The following ABCA12 variants were observed in gnomAD, a reference collection of about 807,000 sequenced individuals.
ABCA12 encodes glucosylceramide transporter ABCA12.
A neutral mutation model predicts 293.5 loss-of-function variants in ABCA12; 156 were observed. The observed-to-expected ratio is 0.53, with a 90% CI of 0.47 to 0.61. The LOEUF (loss-of-function observed/expected upper bound fraction) is 0.61. Among genes scored for constraint, ABCA12 ranks in the 20% least tolerant of loss-of-function variants. The probability of loss-of-function intolerance (pLI) is 0.00; values close to 1 mark genes in which losing one functional copy is unlikely to be tolerated. For missense variants in ABCA12, 2,797 were observed against 3,090.2 expected (o/e 0.91, Z 2.25); for synonymous variants, 1,063 against 1,108.0 (o/e 0.96, Z 0.81).
At chr2:215,036,741 C>A (rs1403792322) in intron 8 of ABCA12, among the ~76,000 whole-genome samples, 1 of 151,970 alleles carries the variant, frequency 6.6e-6, no homozygotes, top group Non-Finnish European at 1.5e-5. Context: ...TTTCACCTAA[C>A]TAAAAACCCT....
At chr2:215,134,599 C>A (rs142741707) in intron 1 of ABCA12, among the ~76,000 whole-genome samples, 9,097 of 84,932 alleles carry the variant, frequency 0.11, 1,249 homozygotes, top group African/African-American at 0.36. Flanking sequence ...CTCTCTCTCT[C>A]TATATATATA....
intron 48 of ABCA12, 49 bp from the exon 49 acceptor site, chr2:214,945,153 T>C: frequency 6.8e-7 from 1 of 1,467,944 alleles, no homozygotes; most frequent in Non-Finnish European, 9.4e-7. Context: ...TAATTTTTGA[T>C]GAAGTTCTTT....
chr2:215,066,406 T>C (rs917020920), intron 2 of ABCA12, among the ~76,000 whole-genome samples: 2 of 150,930 alleles, frequency 1.3e-5, no homozygotes, highest in Non-Finnish European at 3.0e-5. Flanking sequence ...CTGAAAAAAA[T>C]GAGACACTCA....
chr2:215,005,394 CTT>C, intron 19 of ABCA12, among the ~76,000 whole-genome samples: 1 of 152,262 alleles, frequency 6.6e-6, no homozygotes, highest in African/African-American at 2.4e-5. Flanking sequence ...TTACCAGTGT[CTT>C]TTGTTTTATT....
At chr2:214,987,329 G>A (rs1169924025) in intron 27 of ABCA12, among the ~76,000 whole-genome samples, 1 of 152,092 alleles carries the variant, frequency 6.6e-6, no homozygotes, top group Non-Finnish European at 1.5e-5. Flanking sequence ...CTTATGACTG[G>A]TGACAGATGG....
At chr2:214,983,093 C>G (rs911683277) in intron 29 of ABCA12, among the ~76,000 whole-genome samples, 5 of 152,076 alleles carry the variant, frequency 3.3e-5, no homozygotes, top group African/African-American at 1.2e-4. Flanking sequence ...AGGACAGTCA[C>G]GTGTGTAGCT....
At chr2:214,980,429 A>G in intron 31 of ABCA12, 54 bp downstream of exon 31, 4 of 1,606,830 alleles carry the variant, frequency 2.5e-6, no homozygotes, top group Middle Eastern at 4.4e-4. Flanking sequence ...CTCCTATTTC[A>G]TATAAAACTT....
intron 28 of ABCA12, among the ~76,000 whole-genome samples, chr2:214,985,807 T>A (rs1699772984): frequency 6.6e-6 from 1 of 152,192 alleles, no homozygotes; most frequent in Admixed American, 6.5e-5. Flanking sequence ...ACCAGCAGCA[T>A]CTTAGAGCTG....
intron 9 of ABCA12, among the ~76,000 whole-genome samples, chr2:215,028,259 AC>A: frequency 6.6e-6 from 1 of 152,188 alleles, no homozygotes; most frequent in Non-Finnish European, 1.5e-5. Context: ...ATTAAAGAAG[AC>A]TCAGGGTGTT....
intron 1 of ABCA12, among the ~76,000 whole-genome samples, chr2:215,131,004 C>A (rs1381700035): frequency 6.6e-6 from 1 of 151,596 alleles, no homozygotes; most frequent in East Asian, 1.9e-4. Flanking sequence ...TTGAGATGAT[C>A]ATATGGTCTT....
chr2:215,132,849 T>G (rs1252689828), intron 1 of ABCA12, among the ~76,000 whole-genome samples: 1 of 152,096 alleles, frequency 6.6e-6, no homozygotes, highest in Admixed American at 6.6e-5. Flanking sequence ...TGTACTTATG[T>G]ATCTTTTTCT....
chr2:215,124,517 C>T (rs1195084555), intron 1 of ABCA12, among the ~76,000 whole-genome samples: 1 of 152,160 alleles, frequency 6.6e-6, no homozygotes, highest in African/African-American at 2.4e-5. Context: ...GAAGCGGTAT[C>T]ACATTGTGGT....
rs115988864 is a variant in ABCA12 at position 215,058,877 on chromosome 2, T to C, written c.318-4213A>G. ...TAAACACTGAATAGATTTTACTTGT[T>C]CTCAGACATGTCTACCAATAGTTAC... On this transcript the variant is annotated intron_variant, in intron 3 of 52. Transcript: ENST00000272895. Among the ~76,000 whole-genome samples, 396 of 152,172 alleles carry C rather than the reference T, an allele frequency of 2.6e-3. 8 individuals are homozygous for C. Among genetic ancestry groups the C allele is most frequent in the African/African-American group, 9.0e-3 (375 of 41,528 alleles).
intron 1 of ABCA12, among the ~76,000 whole-genome samples, chr2:215,133,351 A>G (rs559211917): frequency 6.6e-6 from 1 of 151,478 alleles, no homozygotes; most frequent in South Asian, 2.1e-4. Context: ...TCTCTAAAAT[A>G]TGTTTTTCAA....
chr2:214,947,116 C>G (rs2105922776), intron 48 of ABCA12, among the ~76,000 whole-genome samples: 1 of 152,298 alleles, frequency 6.6e-6, no homozygotes, highest in South Asian at 2.1e-4. Flanking sequence ...TATTCCGTAA[C>G]TTACTCATTT....
chr2:215,040,301 C>T (rs1422312741), intron 7 of ABCA12, among the ~76,000 whole-genome samples: 1 of 152,028 alleles, frequency 6.6e-6, no homozygotes, highest in Non-Finnish European at 1.5e-5. Flanking sequence ...TATTTGGAAA[C>T]CATTTATCTG....
chr2:215,015,705 C>T lies in ABCA12; in HGVS notation c.1783-42G>A, dbSNP rs181845511. Reference sequence around the variant, plus strand: ...AAAAATATTTCAACTGTGAATCATTCGAGAGTCAACTGTTCATTTTGTGAG... The same window carrying T: ...AAAAATATTTCAACTGTGAATCATTTGAGAGTCAACTGTTCATTTTGTGAG... On this transcript the variant is annotated intron_variant, in intron 14 of 52. Coordinates refer to ENST00000272895, the MANE Select transcript of ABCA12 (RefSeq NM_173076.3). The T allele has an allele frequency of 1.1e-3, 1,717 of 1,574,946 alleles. 18 individuals are homozygous for T. In the African/African-American group the frequency reaches 0.02, roughly 18 times the overall value.
intron 20 of ABCA12, among the ~76,000 whole-genome samples, chr2:215,002,318 A>G (rs1235200240): frequency 6.6e-6 from 1 of 152,178 alleles, no homozygotes; most frequent in African/African-American, 2.4e-5. Context: ...AATACTTTTG[A>G]TATCTGTATT....
intron 50 of ABCA12, 22 bp downstream of exon 50, chr2:214,942,903 A>G (rs1249024930): frequency 6.3e-7 from 1 of 1,596,026 alleles, no homozygotes; most frequent in African/African-American, 1.3e-5. Context: ...ACTATCTGTT[A>G]AGCAATGCAT....
Sources: allele counts gnomAD v4.1 joint callset (sites outside exome capture counted in the v4.1 genomes callset), GRCh38; gene constraint gnomAD v4.1.1; transcripts MANE v1.5; gene names NCBI Gene and HGNC (gene_info 2026-07-23, HGNC 2026-07-21).